Variants in SAMD5 observed in about 807,000 individuals in gnomAD.
SAMD5 encodes the protein sterile alpha motif domain containing 5.
Under a neutral mutation model 11.3 loss-of-function variants are expected in SAMD5, and 13 were observed. The observed-to-expected ratio is 1.15, with a 90% confidence interval of 0.75 to 1.83. SAMD5 has a LOEUF of 1.83. Among genes scored for constraint, SAMD5 ranks in the 40% most tolerant of loss-of-function variants. The pLI, the probability that SAMD5 is intolerant of heterozygous loss-of-function variation, is 0.00. For missense variants in SAMD5, 255 were observed against 239.1 expected (o/e 1.07, Z -0.44); for synonymous variants, 129 against 111.3 (o/e 1.16, Z -1.00).
intron 1 of SAMD5, among the ~76,000 whole-genome samples, chr6:147,669,396 C>T (rs1562347627): frequency 6.8e-6 from 1 of 146,246 alleles, no homozygotes; most frequent in Non-Finnish European, 1.5e-5. Flanking sequence ...TGTAGCCATT[C>T]AGTTGCATCT....
intron 1 of SAMD5, among the ~76,000 whole-genome samples, chr6:147,593,641 A>G (rs895963521): frequency 6.6e-6 from 1 of 152,202 alleles, no homozygotes; most frequent in Non-Finnish European, 1.5e-5. Context: ...AGAGAGTGAC[A>G]TAACTTGAAC....
the SAMD5 span, among the ~76,000 whole-genome samples, chr6:147,826,209 C>G: frequency 6.6e-6 from 1 of 152,154 alleles, no homozygotes; most frequent in Admixed American, 6.5e-5. Flanking sequence ...ACAGGTGGCC[C>G]CTTGGTGGGC....
At chr6:147,892,365 T>G in the SAMD5 span, among the ~76,000 whole-genome samples, 1 of 152,234 alleles carries the variant, frequency 6.6e-6, no homozygotes, top group Non-Finnish European at 1.5e-5. Context: ...ATTCACTGAT[T>G]GTGAATTTCT....
chr6:147,856,854 G>C, the SAMD5 span, among the ~76,000 whole-genome samples: 2 of 148,718 alleles, frequency 1.3e-5, no homozygotes, highest in Admixed American at 6.6e-5. Context: ...TAAGCTTTAA[G>C]CTTTCTGGAA....
In SAMD5 at chr6:147,611,159, G is replaced by A. The variant is rs949430264; in HGVS notation, c.162+101772G>A. Among the ~76,000 whole-genome samples the A allele has an allele frequency of 6.6e-5, 10 of 152,118 alleles. 1 individual carries two copies. Among genetic ancestry groups the A allele is most frequent in the East Asian group, 1.9e-4 (1 of 5,154 alleles). On this transcript the variant is annotated intron_variant, in intron 1 of 1. Transcript: ENST00000566741. ...AGTGCTGGGATTACAGGCATTAGCC[G>A]CTGCACCCAGCCAAGGCCAGAGTTC...
chr6:147,726,937 C>G (rs770412856), intron 1 of SAMD5, among the ~76,000 whole-genome samples: 5 of 152,126 alleles, frequency 3.3e-5, no homozygotes, highest in Non-Finnish European at 7.4e-5. Context: ...TGCTAGTAGC[C>G]TCTCAGTTGG....
chr6:147,875,587 CCA>C, the SAMD5 span, among the ~76,000 whole-genome samples: 1 of 152,122 alleles, frequency 6.6e-6, no homozygotes, highest in African/African-American at 2.4e-5. Flanking sequence ...GGGAACCAGG[CCA>C]CACAGCAGGA....
chr6:147,937,895 C>T, the SAMD5 span, among the ~76,000 whole-genome samples: 2 of 152,132 alleles, frequency 1.3e-5, no homozygotes, highest in East Asian at 3.8e-4. Flanking sequence ...TATATATATA[C>T]ACAAACATAC....
intron 1 of SAMD5, among the ~76,000 whole-genome samples, chr6:147,539,186 A>G (rs1055576523): frequency 1.3e-5 from 2 of 152,174 alleles, no homozygotes; most frequent in Non-Finnish European, 2.9e-5. Flanking sequence ...AAGGAGGGAA[A>G]TAACTCCAGG....
the SAMD5 span, among the ~76,000 whole-genome samples, chr6:147,923,089 A>G: frequency 1.3e-5 from 2 of 152,178 alleles, no homozygotes; most frequent in African/African-American, 4.8e-5. Flanking sequence ...CAAACAAACC[A>G]ATAGAGAAGC....
At chr6:147,552,476 C>G (rs1788790102) in intron 1 of SAMD5, among the ~76,000 whole-genome samples, 1 of 152,130 alleles carries the variant, frequency 6.6e-6, no homozygotes, top group Admixed American at 6.5e-5. Context: ...GCTCCCAATC[C>G]AAAGAACATA....
At chr6:147,775,711 T>A in the SAMD5 span, among the ~76,000 whole-genome samples, 1 of 152,104 alleles carries the variant, frequency 6.6e-6, no homozygotes, top group Non-Finnish European at 1.5e-5. Context: ...GAAGGATCAT[T>A]GGTTTGAGTG....
At chr6:147,787,664 A>G in the SAMD5 span, among the ~76,000 whole-genome samples, 1 of 152,172 alleles carries the variant, frequency 6.6e-6, no homozygotes. Context: ...GACAATTTGT[A>G]TTAAGATGAA....
chr6:147,615,920 G>A (rs555544426), intron 1 of SAMD5, among the ~76,000 whole-genome samples: 46 of 152,038 alleles, frequency 3.0e-4, no homozygotes, highest in Non-Finnish European at 1.5e-4. Flanking sequence ...TTTCATCTTG[G>A]CTTTTATGTT....
At chr6:147,579,278 G>A (rs1789261608) in intron 1 of SAMD5, among the ~76,000 whole-genome samples, 1 of 152,150 alleles carries the variant, frequency 6.6e-6, no homozygotes, top group Admixed American at 6.5e-5. Flanking sequence ...AAGAGAAGAT[G>A]TATATAACTG....
At chr6:147,708,714 T>C (rs2046116298) in intron 1 of SAMD5, among the ~76,000 whole-genome samples, 1 of 152,244 alleles carries the variant, frequency 6.6e-6, no homozygotes, top group Admixed American at 6.5e-5. Flanking sequence ...AGAGCATTTA[T>C]GGATCGACTG....
chr6:147,606,409 A>C (rs1789700419), intron 1 of SAMD5, among the ~76,000 whole-genome samples: 2 of 147,910 alleles, frequency 1.4e-5, no homozygotes, highest in Non-Finnish European at 3.0e-5. Context: ...TAAACAGAAC[A>C]AAAAAAAAAG....
chr6:147,750,947 A>C, the SAMD5 span, among the ~76,000 whole-genome samples: 1 of 152,106 alleles, frequency 6.6e-6, no homozygotes, highest in Non-Finnish European at 1.5e-5. Context: ...CAAACAAAAC[A>C]CTATGGATGG....
chr6:147,581,457 G>A (rs934859059), intron 1 of SAMD5, among the ~76,000 whole-genome samples: 2 of 152,180 alleles, frequency 1.3e-5, no homozygotes, highest in South Asian at 2.1e-4. Flanking sequence ...CGGGAAGAGT[G>A]AGGAGAGGAT....
Sources: gnomAD v4.1 joint callset for allele counts (sites outside exome capture counted in the v4.1 genomes callset) on GRCh38, gnomAD v4.1.1 for gene constraint, MANE v1.5 for transcripts, NCBI Gene and HGNC (gene_info 2026-07-23, HGNC 2026-07-21) for gene names.